EPB41L5: variants seen among roughly 807,000 people sequenced by gnomAD.
The protein encoded by EPB41L5 is band 4.1-like protein 5.
In EPB41L5, 55 loss-of-function variants were observed where a neutral mutation model predicts 106.6. That is an observed-to-expected ratio of 0.52 (90% confidence interval 0.42 to 0.65). EPB41L5 has a LOEUF of 0.65. EPB41L5 is among the 30% of genes least tolerant of loss of function. EPB41L5 has a pLI of 0.00. For synonymous variants in EPB41L5, 297 were observed against 306.7 expected, an observed-to-expected ratio of 0.97 and a Z score of 0.33; for missense variants, 871 against 882.1, an observed-to-expected ratio of 0.99 and a Z score of 0.16.
intron 20 of EPB41L5, among the ~76,000 whole-genome samples, chr2:120,154,651 G>T (rs1020364475): frequency 2.0e-5 from 3 of 151,970 alleles, no homozygotes; most frequent in African/African-American, 7.2e-5. Flanking sequence ...TATGGGCCAG[G>T]CGTGGTGGCT....
chr2:120,103,956 G>A, intron 16 of EPB41L5: 2 of 1,295,640 alleles, frequency 1.5e-6, no homozygotes, highest in South Asian at 1.8e-5. Context: ...TAGCAGCAGT[G>A]CATGCTAGTC....
chr2:120,172,003 G>T (rs1295376486), intron 24 of EPB41L5, among the ~76,000 whole-genome samples: 8 of 130,866 alleles, frequency 6.1e-5, no homozygotes, highest in Admixed American at 8.3e-5. Flanking sequence ...ACAATAACAG[G>T]AAACTTAAAA....
intron 7 of EPB41L5, among the ~76,000 whole-genome samples, chr2:120,076,548 C>T (rs1447207243): frequency 6.8e-6 from 1 of 147,486 alleles, no homozygotes; most frequent in African/African-American, 2.5e-5. Context: ...CATCTTCCAC[C>T]TCAGCCCTCC....
chr2:120,096,022 C>T (rs1160473883), intron 14 of EPB41L5, among the ~76,000 whole-genome samples: 1 of 152,074 alleles, frequency 6.6e-6, no homozygotes, highest in African/African-American at 2.4e-5. Context: ...TCTGTGGTCT[C>T]ATATAATGCT....
intron 3 of EPB41L5, among the ~76,000 whole-genome samples, chr2:120,053,860 G>A (rs954995795): frequency 5.9e-5 from 9 of 152,116 alleles, no homozygotes; most frequent in African/African-American, 2.2e-4. Context: ...CCAGGAGTTC[G>A]AGACCAGCCT....
chr2:120,104,159 T>G, intron 16 of EPB41L5: 1 of 1,536,086 alleles, frequency 6.5e-7, no homozygotes, highest in Non-Finnish European at 8.7e-7. Context: ...ACACTGACTT[T>G]GTTCATGAGC....
intron 18 of EPB41L5, among the ~76,000 whole-genome samples, chr2:120,142,131 AAAAC>A (rs1423339875): frequency 3.3e-5 from 5 of 150,178 alleles, no homozygotes; most frequent in Non-Finnish European, 7.4e-5. Flanking sequence ...AAAAAAAAAA[AAAAC>A]AAGGTAAAAT....
At chr2:120,162,113 C>G (rs140455571) in intron 21 of EPB41L5, among the ~76,000 whole-genome samples, 16 of 152,254 alleles carry the variant, frequency 1.1e-4, no homozygotes, top group African/African-American at 3.6e-4. Context: ...TATAGGCAGC[C>G]TAAGTGTCTC....
At chr2:120,081,489 C>T (rs1314785833) in intron 10 of EPB41L5, among the ~76,000 whole-genome samples, 1 of 152,136 alleles carries the variant, frequency 6.6e-6, no homozygotes, top group Non-Finnish European at 1.5e-5. Context: ...GGTACCAGTA[C>T]CATGCTGTTT....
intron 3 of EPB41L5, among the ~76,000 whole-genome samples, chr2:120,067,111 A>C (rs1681495921): frequency 6.6e-6 from 1 of 152,248 alleles, no homozygotes; most frequent in Admixed American, 6.5e-5. Flanking sequence ...TAGATGTCCA[A>C]CTGAATTTAT....
chr2:120,117,598 T>A (rs2105440620), intron 16 of EPB41L5, among the ~76,000 whole-genome samples: 2 of 152,296 alleles, frequency 1.3e-5, no homozygotes, highest in Middle Eastern at 3.4e-3. Context: ...TTTTTGCCAA[T>A]CTGAAAAACA....
chr2:120,128,256 A>AACACACACACACACACACAC lies in EPB41L5; in HGVS notation c.1501+421_1501+440dup, dbSNP rs3084679. Among the ~76,000 whole-genome samples, 442 of 145,424 alleles carry AACACACACACACACACACAC rather than the reference A, an allele frequency of 3.0e-3. 2 individuals are homozygous for AACACACACACACACACACAC. The highest frequency in any genetic ancestry group is 9.6e-3 in the African/African-American group (374 of 38,938). Reference sequence around the variant, plus strand: ...TAACACAGAAAGAATGGTGCTTTAAAACACACACACACACACACACACACA... The same window carrying AACACACACACACACACACAC: ...TAACACAGAAAGAATGGTGCTTTAAAACACACACACACACACACACACACACACACACACACACACACACA... On this transcript the variant is annotated intron_variant, in intron 17 of 24. Transcript: ENST00000263713.
intron 10 of EPB41L5, among the ~76,000 whole-genome samples, chr2:120,082,052 T>C (rs544588184): frequency 2.0e-5 from 3 of 152,314 alleles, no homozygotes; most frequent in African/African-American, 4.8e-5. Context: ...GTGTCATCTG[T>C]GAACAGGGAC....
At chr2:120,059,757 GTC>G (rs1006993548) in intron 3 of EPB41L5, among the ~76,000 whole-genome samples, 1 of 151,982 alleles carries the variant, frequency 6.6e-6, no homozygotes, top group Non-Finnish European at 1.5e-5. Context: ...AACAAAAAAA[GTC>G]TGCTGCTGTG....
intron 16 of EPB41L5, among the ~76,000 whole-genome samples, chr2:120,107,838 C>T (rs891253008): frequency 2.0e-5 from 3 of 152,126 alleles, no homozygotes; most frequent in Non-Finnish European, 2.9e-5. Context: ...ATGTCACTTT[C>T]AGTGTAAAAT....
At chr2:120,014,690 C>T in intron 1 of EPB41L5, among the ~76,000 whole-genome samples, 1 of 151,918 alleles carries the variant, frequency 6.6e-6, no homozygotes, top group East Asian at 1.9e-4. Context: ...AAAGAGCAAT[C>T]CAGAAAGGTG....
chr2:120,075,947 G>C (rs968082958), intron 7 of EPB41L5, among the ~76,000 whole-genome samples, 194 bp downstream of exon 7: 1 of 151,986 alleles, frequency 6.6e-6, no homozygotes, highest in African/African-American at 2.4e-5. Flanking sequence ...ATGTAATTGC[G>C]CCCTTTCCAC....
chr2:120,122,246 T>A (rs1185161016), intron 16 of EPB41L5, among the ~76,000 whole-genome samples: 1 of 152,240 alleles, frequency 6.6e-6, no homozygotes, highest in Non-Finnish European at 1.5e-5. Flanking sequence ...ATGGATTCCT[T>A]GCCCATGCCT....
chr2:120,127,326 A>G, intron 16 of EPB41L5, among the ~76,000 whole-genome samples: 1 of 152,162 alleles, frequency 6.6e-6, no homozygotes, highest in South Asian at 2.1e-4. Flanking sequence ...CCTTGTTAGT[A>G]TAGTCCCTCA....
Sources: gnomAD v4.1 joint callset for allele counts (sites outside exome capture counted in the v4.1 genomes callset) on GRCh38, gnomAD v4.1.1 for gene constraint, MANE v1.5 for transcripts, NCBI Gene and HGNC (gene_info 2026-07-23, HGNC 2026-07-21) for gene names.